The following LOC400499 variants were observed in gnomAD, a reference collection of about 807,000 sequenced individuals.
chr16:11,493,273 C>T, the LOC400499 span, among the ~76,000 whole-genome samples: 5 of 152,190 alleles, frequency 3.3e-5, no homozygotes, highest in Admixed American at 3.3e-4. Flanking sequence ...CTTGACTCTG[C>T]AGGTGGAGCA....
chr16:11,436,286 G>C, the LOC400499 span, among the ~76,000 whole-genome samples: 11,019 of 152,256 alleles, frequency 0.072, 1,032 homozygotes, highest in East Asian at 0.23. Context: ...AGGCCCCAGA[G>C]AGTGCCCCAC....
the LOC400499 span, chr16:11,423,368 G>A: frequency 7.5e-6 from 3 of 398,070 alleles, no homozygotes; most frequent in Non-Finnish European, 1.3e-5. Flanking sequence ...AAGCCACCAT[G>A]GGCAAATAAC....
At chr16:11,429,685 G>A in the LOC400499 span, among the ~76,000 whole-genome samples, 1 of 152,020 alleles carries the variant, frequency 6.6e-6, no homozygotes, top group African/African-American at 2.4e-5. Flanking sequence ...TGTTGGCCAG[G>A]CTGGTCTTGA....
the LOC400499 span, chr16:11,390,500 G>C: frequency 8.1e-7 from 1 of 1,232,918 alleles, no homozygotes; most frequent in East Asian, 3.1e-5. Context: ...TGAGACCTCA[G>C]GGCAGGTCAG....
chr16:11,385,523 C>T, the LOC400499 span: 5 of 763,052 alleles, frequency 6.6e-6, no homozygotes, highest in Non-Finnish European at 8.9e-6. Flanking sequence ...TTTGGCTTAG[C>T]CTGCCCTGAG....
chr16:11,505,259 G>A, the LOC400499 span, among the ~76,000 whole-genome samples: 1 of 151,850 alleles, frequency 6.6e-6, no homozygotes, highest in Non-Finnish European at 1.5e-5. Flanking sequence ...GGACAGACCT[G>A]GGAAGAAATG....
the LOC400499 span, among the ~76,000 whole-genome samples, chr16:11,509,148 G>T: frequency 0.55 from 78,283 of 143,422 alleles, 22,154 homozygotes; most frequent in Admixed American, 0.64. Flanking sequence ...AGACGGAGTC[G>T]CACTCTGTGC....
chr16:11,508,492 C>G, the LOC400499 span, among the ~76,000 whole-genome samples: 99 of 152,364 alleles, frequency 6.5e-4, no homozygotes, highest in East Asian at 0.016. Context: ...CCCCTCTGCT[C>G]ACATCCAACC....
At chr16:11,471,653 C>A in the LOC400499 span, 8 of 399,076 alleles carry the variant, frequency 2.0e-5, no homozygotes, top group East Asian at 2.8e-4. Context: ...CTAGGGCCCA[C>A]CTGGGGCTGC....
chr16:11,488,758 G>A, the LOC400499 span: 1 of 398,874 alleles, frequency 2.5e-6, no homozygotes, highest in African/African-American at 2.1e-5. Flanking sequence ...ACATTTCTGG[G>A]TGGAACTCCT....
chr16:11,493,577 G>A, the LOC400499 span: 1 of 394,694 alleles, frequency 2.5e-6, no homozygotes, highest in East Asian at 3.6e-5. Context: ...AAGTGAATTA[G>A]CAAACTGTGG....
the LOC400499 span, among the ~76,000 whole-genome samples, chr16:11,480,226 G>C: frequency 3.3e-5 from 5 of 152,240 alleles, no homozygotes; most frequent in African/African-American, 1.2e-4. Context: ...TCTAGGAAAA[G>C]TGAGAAAATA....
the LOC400499 span, among the ~76,000 whole-genome samples, chr16:11,491,243 C>T: frequency 6.6e-6 from 1 of 152,166 alleles, no homozygotes; most frequent in Non-Finnish European, 1.5e-5. Context: ...TTTCAACAAT[C>T]AGTTGAACTT....
At chr16:11,522,394 G>C in the LOC400499 span, among the ~76,000 whole-genome samples, 2 of 152,224 alleles carry the variant, frequency 1.3e-5, no homozygotes, top group African/African-American at 4.8e-5. Flanking sequence ...ACTATTAATA[G>C]TTGGGGCCAG....
At chr16:11,468,349 G>C in the LOC400499 span, among the ~76,000 whole-genome samples, 23 of 152,172 alleles carry the variant, frequency 1.5e-4, no homozygotes, top group African/African-American at 5.3e-4. Context: ...TGAGAGACAG[G>C]GTCTTACTTT....
chr16:11,402,172 G>A, the LOC400499 span: 2 of 399,128 alleles, frequency 5.0e-6, no homozygotes, highest in Non-Finnish European at 8.8e-6. Flanking sequence ...GGTGGGTGAG[G>A]ACACACACAA....
At chr16:11,413,520 T>C in the LOC400499 span, among the ~76,000 whole-genome samples, 23 of 152,240 alleles carry the variant, frequency 1.5e-4, no homozygotes, top group African/African-American at 5.1e-4. Context: ...TCATGCCAAG[T>C]GACAGTGGTC....
At chr16:11,464,562 C>G in the LOC400499 span, among the ~76,000 whole-genome samples, 5 of 152,324 alleles carry the variant, frequency 3.3e-5, no homozygotes, top group African/African-American at 9.6e-5. Flanking sequence ...CCTTAAATCC[C>G]ATTAGCTTTG....
At chr16:11,423,976 C>T in the LOC400499 span, 3 of 398,092 alleles carry the variant, frequency 7.5e-6, no homozygotes, top group African/African-American at 2.1e-5. Context: ...CGCGGAGCTG[C>T]TCGCCATCCA....
Sources: allele counts gnomAD v4.1 joint callset (sites outside exome capture counted in the v4.1 genomes callset), GRCh38; gene constraint gnomAD v4.1.1; transcripts MANE v1.5.